Variants in MYRF observed in about 807,000 individuals in gnomAD.
The protein encoded by MYRF is myelin gene regulatory factor.
In MYRF, 16 loss-of-function variants were observed where a neutral mutation model predicts 126.3. That is an observed-to-expected ratio of 0.13 (90% CI 0.09 to 0.19). The LOEUF (loss-of-function observed/expected upper bound fraction) is 0.19, where lower values mean the gene tolerates loss of function less well. Among genes scored for constraint, MYRF ranks in the 10% least tolerant of loss-of-function variants. The pLI, the probability that MYRF is intolerant of heterozygous loss-of-function variation, is 1.00. For missense variants in MYRF, 1,104 were observed against 1,547.0 expected, an observed-to-expected ratio of 0.71 and a Z score of 4.80; for synonymous variants, 608 against 635.3, an observed-to-expected ratio of 0.96 and a Z score of 0.65.
At chr11:61,753,502 A>G (rs2065663022) in intron 1 of MYRF, among the ~76,000 whole-genome samples, 2 of 151,742 alleles carry the variant, frequency 1.3e-5, no homozygotes, top group African/African-American at 4.8e-5. Context: ...TGAAGCTGAC[A>G]TCCCTGCCAC....
chr11:61,765,546 G>A (rs2066031918), intron 1 of MYRF, 79 bp from the exon 2 acceptor site: 9 of 1,191,896 alleles, frequency 7.6e-6, no homozygotes, highest in South Asian at 1.4e-5. Flanking sequence ...GCCTGGGCAG[G>A]GATGGAGGGC....
Position 61,778,559 on chromosome 11 carries a change from T to A in MYRF, c.2013+70T>A. ...AGCCAGCTGGGGAACACTCATCACC[T>A]CCATAGATACTGGGGGCACTGCAAA... On this transcript the variant is annotated intron_variant, in intron 14 of 26. Transcript: ENST00000278836. The surrounding 1 kb of genome is among the most constrained non-coding windows in gnomAD (Gnocchi z 4.6). The A allele has an allele frequency of 1.8e-6, 2 of 1,113,072 alleles. No individual in the cohort carries two copies. Among genetic ancestry groups the A allele is most frequent in the Non-Finnish European group, 2.8e-6 (2 of 725,942 alleles). 68.9% of individuals were successfully genotyped at this position (1,113,072 alleles called of 1,614,324 possible).
At chr11:61,762,481 G>A (rs371855814) in intron 1 of MYRF, among the ~76,000 whole-genome samples, 8 of 152,196 alleles carry the variant, frequency 5.3e-5, no homozygotes, top group South Asian at 4.1e-4. Flanking sequence ...CCCATGTTCC[G>A]CTTCCTGCCT....
chr11:61,783,214 C>T lies in MYRF; in HGVS notation c.3017-284C>T, dbSNP rs1393509388. 1 of 308,992 alleles carries T rather than the reference C, an allele frequency of 3.2e-6. No homozygotes were observed. The highest frequency in any genetic ancestry group is 5.6e-5 in the South Asian group (1 of 17,970). The allele number at this position is 308,992 out of a possible 1,614,324, so 19.1% of individuals were successfully genotyped here. Reference sequence around the variant, plus strand: ...TGCCCGCAGTCAGGAACACAGGCCTCGAGCGGGCTCCTGCACACCTGGCAG... The same window carrying T: ...TGCCCGCAGTCAGGAACACAGGCCTTGAGCGGGCTCCTGCACACCTGGCAG... On this transcript the variant is annotated intron_variant, in intron 22 of 26. Transcript: ENST00000278836. The surrounding 1 kb of genome is among the most constrained non-coding windows in gnomAD (Gnocchi z 4.6).
intron 4 of MYRF, among the ~76,000 whole-genome samples, 197 bp from the exon 5 acceptor site, chr11:61,770,049 G>A (rs1238723389): frequency 6.6e-6 from 1 of 151,978 alleles, no homozygotes; most frequent in Non-Finnish European, 1.5e-5. Flanking sequence ...GCCCCTCCTT[G>A]GGCAGGTTTG....
Position 61,786,288 on chromosome 11 carries a change from T to A in MYRF, c.*145T>A. 1 of 763,284 alleles carries A rather than the reference T, an allele frequency of 1.3e-6. No homozygotes were observed. The highest frequency in any genetic ancestry group is 2.2e-6 in the Non-Finnish European group (1 of 461,370). 47.3% of individuals were successfully genotyped at this position (763,284 alleles called of 1,614,324 possible). ...TACCCGAGACTGGTGAAACTGGAAG[T>A]CTTCACACTGGAGTTGCTGTTCCAG... On this transcript the variant is annotated 3_prime_UTR_variant, in exon 27 of 27. Transcript: ENST00000278836. This position sits in a 1 kb window ranked among gnomAD's most constrained non-coding sequence, Gnocchi z 4.5.
In MYRF at chr11:61,786,149, C is replaced by T; in HGVS notation, c.*6C>T. 2.5e-6 allele frequency: 4 copies of T among 1,614,058 alleles called. No homozygotes were observed. The highest frequency in any genetic ancestry group is 3.4e-6 in the Non-Finnish European group (4 of 1,179,906). ...TCTACCGCCTGTGTGACTGAGCTGC[C>T]CTCCTGAGGCAGCACCACACCAGGG... On this transcript the variant is annotated 3_prime_UTR_variant, in exon 27 of 27. Coordinates refer to ENST00000278836, the MANE Select transcript of MYRF (RefSeq NM_001127392.3). The surrounding 1 kb of genome is among the most constrained non-coding windows in gnomAD (Gnocchi z 4.5).
Position 61,776,053 on chromosome 11 carries a change from C to T in MYRF, c.1312-3C>T. ...GAGGTGCCACTGGCTTCACTCCCCA[C>T]AGCTGGAGGCCCTGAACCAGTCCAT... On this transcript the variant is annotated splice_region_variant and splice_polypyrimidine_tract_variant and intron_variant, in intron 8 of 26. Coordinates refer to ENST00000278836, the MANE Select transcript of MYRF (RefSeq NM_001127392.3). This position sits in a 1 kb window ranked among gnomAD's most constrained non-coding sequence, Gnocchi z 4.3. The T allele has an allele frequency of 6.2e-7, 1 of 1,613,898 alleles. No individual in the cohort carries two copies. Among genetic ancestry groups the T allele is most frequent in the Middle Eastern group, 1.7e-4 (1 of 6,058 alleles).
intron 8 of MYRF, 89 bp from the exon 9 acceptor site, chr11:61,775,967 G>A: frequency 7.8e-7 from 1 of 1,277,618 alleles, no homozygotes. Context: ...GTGAGCTCTA[G>A]TTGGGCCAGG....
chr11:61,765,919 G>C, intron 2 of MYRF, 39 bp from the exon 3 acceptor site: 1 of 1,469,564 alleles, frequency 6.8e-7, no homozygotes, highest in Non-Finnish European at 9.0e-7. Flanking sequence ...GCTGGGGCTG[G>C]GGTCCTGGCT....
rs374777626 is a variant in MYRF at position 61,779,179 on chromosome 11, C to G, written c.2014-84C>G. ...AGGACAGTGGCCGCCCCTCCTGCCC[C>G]CTGATGTCTGGCAGCCTGGGGCTCC... On this transcript the variant is annotated intron_variant, in intron 14 of 26. Coordinates refer to ENST00000278836, the MANE Select transcript of MYRF (RefSeq NM_001127392.3). 46 of 1,427,114 alleles carry G rather than the reference C, an allele frequency of 3.2e-5. 1 individual carries two copies. The highest frequency in any genetic ancestry group is 3.0e-4 in the Admixed American group (13 of 43,936). 88.4% of individuals were successfully genotyped at this position (1,427,114 alleles called of 1,614,324 possible). A position where few individuals can be genotyped will look rare whatever the true frequency, so the allele number is the denominator to read the frequency against.
rs1476130582 is a variant in MYRF, at chr11:61,776,228, G to C, written c.1389-94G>C. On this transcript the variant is annotated intron_variant, in intron 9 of 26. Transcript: ENST00000278836. This position sits in a 1 kb window ranked among gnomAD's most constrained non-coding sequence, Gnocchi z 4.3. ...GGCCAGGGAGGTACCCAGGGTGTCC[G>C]CCTCATGTACGTTGCTGGCCTGGGT... The C allele has an allele frequency of 5.1e-6, 8 of 1,565,350 alleles. No individual in the cohort carries two copies. Among genetic ancestry groups the C allele is most frequent in the Non-Finnish European group, 7.0e-6 (8 of 1,139,674 alleles).
In MYRF at chr11:61,770,295, A is replaced by G; in HGVS notation, c.510A>G (p.Gly170=). 1 of 1,607,000 alleles carries G rather than the reference A, an allele frequency of 6.2e-7. No homozygotes were observed. The highest frequency in any genetic ancestry group is 8.5e-7 in the Non-Finnish European group (1 of 1,178,266). ...TITPETLCHV[G]VPSRLEHPPP... is the part of the protein sequence containing the mutation. ...CCCCTGAGACACTGTGCCACGTGGG[A>G]GTGCCCTCCCGCCTGGAGCATCCGC... The change falls in exon 5 of 27, where the codon GGA becomes GGG. Residue 170 remains glycine (G), a synonymous_variant. Transcript: ENST00000278836.
Position 61,765,682 on chromosome 11 carries a change from A to C in MYRF, c.104A>C (p.Glu35Ala). Residue 35 changes from glutamate (E) to alanine (A), a missense_variant, in exon 2 of 27, where the codon GAG becomes GCG. Physicochemically the swap from Glu to Ala is moderately radical, Grantham distance 107. Coordinates refer to ENST00000278836, the MANE Select transcript of MYRF (RefSeq NM_001127392.3). ...AACATAGACACCAGCATCCTGGAGG[A>C]GTACATCAGCAAGGAGGATGCCTCC... is the stretch of plus-strand genomic sequence containing the variant. Reference protein sequence around the residue: ...PSNIDTSILEEYISKEDASDL... With the variant: ...PSNIDTSILEAYISKEDASDL... 2 of 1,612,994 alleles carry C rather than the reference A, an allele frequency of 1.2e-6. No individual in the cohort carries two copies. Among genetic ancestry groups the C allele is most frequent in the African/African-American group, 1.3e-5 (1 of 75,004 alleles).
chr11:61,752,823 C>A, intron 1 of MYRF, 33 bp downstream of exon 1: 1 of 1,482,742 alleles, frequency 6.7e-7, no homozygotes. Flanking sequence ...CGGCGACCCT[C>A]TGGCGCTGGG....
In MYRF at chr11:61,783,284, TGAG is replaced by T. The variant is rs1565307169; in HGVS notation, c.3017-209_3017-207del. The T allele has an allele frequency of 4.4e-6, 2 of 449,794 alleles. No individual in the cohort carries two copies. The highest frequency in any genetic ancestry group is 8.1e-6 in the Non-Finnish European group (2 of 246,740). 27.9% of individuals were successfully genotyped at this position (449,794 alleles called of 1,614,324 possible). On this transcript the variant is annotated intron_variant, in intron 22 of 26. Coordinates refer to ENST00000278836, the MANE Select transcript of MYRF (RefSeq NM_001127392.3). The surrounding 1 kb of genome is among the most constrained non-coding windows in gnomAD (Gnocchi z 4.6). ...CTACTTCTGGGTGTTCCAGTTCTTTTGAGGAGGCAGACGTCAGGCTCATGGGAA... is the reference window on the plus strand; with the variant it reads ...CTACTTCTGGGTGTTCCAGTTCTTTTGAGGCAGACGTCAGGCTCATGGGAA...
In MYRF at chr11:61,769,229, A is replaced by C. The variant is rs777776709; in HGVS notation, c.399-31A>C. 4.2e-6 allele frequency: 6 copies of C among 1,439,608 alleles called. No individual in the cohort carries two copies. In the East Asian group the frequency reaches 9.9e-5, roughly 24 times the overall value. The allele number at this position is 1,439,608 out of a possible 1,614,324, so 89.2% of individuals were successfully genotyped here. ...CTGGAAGGCAGAAGCTCAGCTGCTCACCCCCCGGCCCCTTCCCCTGGCTCT... is the reference window on the plus strand; with the variant it reads ...CTGGAAGGCAGAAGCTCAGCTGCTCCCCCCCCGGCCCCTTCCCCTGGCTCT... On this transcript the variant is annotated intron_variant, in intron 3 of 26. Coordinates refer to ENST00000278836, the MANE Select transcript of MYRF (RefSeq NM_001127392.3).
intron 1 of MYRF, among the ~76,000 whole-genome samples, chr11:61,761,796 C>G (rs1209789553): frequency 6.6e-6 from 1 of 152,262 alleles, no homozygotes; most frequent in African/African-American, 2.4e-5. Context: ...GTTTCCTCAT[C>G]TATAAAATGA....
Position 61,781,153 on chromosome 11 carries a change from C to G in MYRF, c.2588C>G (p.Thr863Ser). 6.2e-7 allele frequency: 1 copy of G among 1,613,676 alleles called. No individual in the cohort carries two copies. Among genetic ancestry groups the G allele is most frequent in the Non-Finnish European group, 8.5e-7 (1 of 1,179,998 alleles). ...GCCTCCTCAGTGACCACCAGCCTCACCAGCTCGGCCCCAGGTTCTGCTGTC... is the reference window on the plus strand; with the variant it reads ...GCCTCCTCAGTGACCACCAGCCTCAGCAGCTCGGCCCCAGGTTCTGCTGTC... ...PSLLLVTTSL[T>S]SSAPGSAVRT... is the part of the protein sequence containing the mutation. Residue 863 changes from threonine (T) to serine (S), a missense_variant, in exon 21 of 27, where the codon ACC (threonine) becomes AGC (serine). Around this residue, in one of 10 missense-constraint regions of MYRF, gnomAD observed 323 missense variants for 383.1 expected, o/e 0.84. Coordinates refer to ENST00000278836, the MANE Select transcript of MYRF (RefSeq NM_001127392.3).
Sources: gnomAD v4.1 joint callset for allele counts (sites outside exome capture counted in the v4.1 genomes callset) on GRCh38, gnomAD v4.1.1 for gene constraint, gnomAD v4.1.1 regional missense constraint, Gnocchi (gnomAD v3.1) non-coding constraint, MANE v1.5 for transcripts, NCBI Gene and HGNC (gene_info 2026-07-23, HGNC 2026-07-21) for gene names.